The following VPS37A variants were observed in gnomAD, a reference collection of about 807,000 sequenced individuals.
The protein encoded by VPS37A is vacuolar protein sorting-associated protein 37A.
In VPS37A, 30 loss-of-function variants were observed where a neutral mutation model predicts 49.8. That is an observed-to-expected ratio of 0.60 (90% CI 0.45 to 0.82). VPS37A has a LOEUF of 0.82. Among genes scored for constraint, VPS37A ranks in the 40% least tolerant of loss-of-function variants. The probability of loss-of-function intolerance (pLI) is 0.00; values close to 1 mark genes in which losing one functional copy is unlikely to be tolerated. For synonymous variants in VPS37A, 195 were observed against 160.6 expected, an observed-to-expected ratio of 1.21 and a Z score of -1.62; for missense variants, 593 against 464.4, an observed-to-expected ratio of 1.28 and a Z score of -2.55.
At chr8:17,277,899 CACAGACAT>C (rs1365270520) in intron 6 of VPS37A, among the ~76,000 whole-genome samples, 5 of 148,604 alleles carry the variant, frequency 3.4e-5, no homozygotes, top group Non-Finnish European at 6.0e-5. Flanking sequence ...CACACACACA[CACAGACAT>C]ATACATATGT....
downstream of VPS37A, chr8:17,304,515 G>C (rs778974183): frequency 6.2e-7 from 1 of 1,613,028 alleles, no homozygotes; most frequent in South Asian, 1.1e-5. Context: ...GTTCTTTCTT[G>C]AATCCTGTTA....
chr8:17,302,324 C>G (rs1276336177), downstream of VPS37A: 6 of 1,573,090 alleles, frequency 3.8e-6, no homozygotes, highest in Non-Finnish European at 4.3e-6. Flanking sequence ...TTATCACAGT[C>G]TGAAAATTCA....
downstream of VPS37A, chr8:17,300,095 C>T (rs768209858): frequency 1.9e-6 from 3 of 1,614,022 alleles, no homozygotes; most frequent in African/African-American, 4.0e-5. Context: ...TTCATATTCC[C>T]ACTGTAATCC....
At chr8:17,270,436 G>C (rs73200950) in intron 4 of VPS37A, among the ~76,000 whole-genome samples, 11,208 of 152,172 alleles carry the variant, frequency 0.074, 547 homozygotes, top group South Asian at 0.23. Context: ...TCTATATGTG[G>C]CATCTCCATG....
rs1816725111 is a variant in VPS37A at position 17,297,173 on chromosome 8, T to C, written c.*2187T>C. The C allele has an allele frequency of 6.6e-6, 1 of 152,194 alleles. No individual in the cohort carries two copies. The highest frequency in any genetic ancestry group is 2.4e-5 in the African/African-American group (1 of 41,456). The allele number at this position is 152,194 out of a possible 1,614,324, so 9.4% of individuals were successfully genotyped here. ...TACAAGATGAGATAGAAATCAGAAT[T>C]AAAGAGGAATACTTAGGAGTTACTA... On this transcript the variant is annotated 3_prime_UTR_variant, in exon 12 of 12. Coordinates refer to ENST00000324849, the MANE Select transcript of VPS37A (RefSeq NM_152415.3).
chr8:17,322,658 A>G, the VPS37A span, among the ~76,000 whole-genome samples: 1 of 152,054 alleles, frequency 6.6e-6, no homozygotes, highest in Admixed American at 6.5e-5. Flanking sequence ...CATCTCTACA[A>G]AAAATAAAAA....
intron 1 of VPS37A, among the ~76,000 whole-genome samples, chr8:17,257,667 G>A (rs1812596451): frequency 6.6e-6 from 1 of 152,148 alleles, no homozygotes; most frequent in African/African-American, 2.4e-5. Context: ...TTCTATTTCT[G>A]TGAAGAATGT....
intron 1 of VPS37A, among the ~76,000 whole-genome samples, chr8:17,250,130 T>A (rs531981147): frequency 6.6e-6 from 1 of 152,172 alleles, no homozygotes; most frequent in Non-Finnish European, 1.5e-5. Flanking sequence ...TAGTTTGTAA[T>A]ATACCGCCCA....
chr8:17,256,567 A>G (rs1417321343), intron 1 of VPS37A, among the ~76,000 whole-genome samples: 2 of 151,886 alleles, frequency 1.3e-5, no homozygotes, highest in Non-Finnish European at 2.9e-5. Context: ...ATAGTTTACA[A>G]AAGTTTTCTC....
chr8:17,289,128 C>T (rs1360564576), intron 11 of VPS37A, among the ~76,000 whole-genome samples: 2 of 152,074 alleles, frequency 1.3e-5, no homozygotes, highest in Non-Finnish European at 2.9e-5. Flanking sequence ...TGGATAGATT[C>T]CAGAAATTTT....
chr8:17,250,588 G>C (rs1475793411), intron 1 of VPS37A, among the ~76,000 whole-genome samples: 2 of 152,006 alleles, frequency 1.3e-5, no homozygotes, highest in Non-Finnish European at 2.9e-5. Context: ...CTTTTCTTCT[G>C]CTCTACTGAG....
At chr8:17,267,126 A>G (rs1813537821) in intron 2 of VPS37A, among the ~76,000 whole-genome samples, 2 of 152,182 alleles carry the variant, frequency 1.3e-5, no homozygotes, top group African/African-American at 4.8e-5. Flanking sequence ...AGTAAGTAGC[A>G]TAGTCAAGAT....
At chr8:17,306,995 T>C (rs1255259274), downstream of VPS37A, among the ~76,000 whole-genome samples, 2 of 152,124 alleles carry the variant, frequency 1.3e-5, no homozygotes, top group Non-Finnish European at 2.9e-5. Flanking sequence ...ACTTCATGTC[T>C]AAAACACCAA....
At chr8:17,313,194 C>CA in the VPS37A span, 8 of 807,312 alleles carry the variant, frequency 9.9e-6, no homozygotes, top group Non-Finnish European at 1.6e-5. Flanking sequence ...CAGTGCAGTG[C>CA]AGCTTAAGAC....
chr8:17,298,883 C>T (rs534792461), downstream of VPS37A: 150 of 152,270 alleles, frequency 9.9e-4, 1 homozygote, highest in African/African-American at 3.3e-3. Context: ...TTAATTAAAC[C>T]ATATTAGCCA....
intron 2 of VPS37A, among the ~76,000 whole-genome samples, chr8:17,266,996 C>T (rs1813526668): frequency 6.6e-6 from 1 of 152,076 alleles, no homozygotes; most frequent in South Asian, 2.1e-4. Flanking sequence ...TGGTCTCGAA[C>T]TCCTGACCTC....
chr8:17,332,216 C>T, the VPS37A span, among the ~76,000 whole-genome samples: 5 of 139,898 alleles, frequency 3.6e-5, no homozygotes, highest in African/African-American at 1.3e-4. Flanking sequence ...TGAGAACTCA[C>T]CACCAGAAAA....
At chr8:17,268,172 T>C in intron 2 of VPS37A, 86 bp from the exon 3 acceptor site, 1 of 918,064 alleles carries the variant, frequency 1.1e-6, no homozygotes, top group Middle Eastern at 3.6e-4. Context: ...TAATTTACTT[T>C]TAAATAGCTT....
At chr8:17,292,695 G>T (rs1038738292) in intron 11 of VPS37A, among the ~76,000 whole-genome samples, 2 of 152,116 alleles carry the variant, frequency 1.3e-5, no homozygotes, top group African/African-American at 4.8e-5. Context: ...TCTGTAAAGG[G>T]TTTTATTTCT....
Sources: gnomAD v4.1 joint callset for allele counts (sites outside exome capture counted in the v4.1 genomes callset) on GRCh38, gnomAD v4.1.1 for gene constraint, MANE v1.5 for transcripts, NCBI Gene and HGNC (gene_info 2026-07-23, HGNC 2026-07-21) for gene names.